DNAH8: variants seen among roughly 807,000 people sequenced by gnomAD.
DNAH8 encodes the protein axonemal beta dynein heavy chain 8.
Under a neutral mutation model 562.1 loss-of-function variants are expected in DNAH8, and 382 were observed. The ratio of observed to expected loss-of-function variants is 0.68; its 90% CI spans 0.63 to 0.74. The LOEUF is 0.74. Ranked by LOEUF, DNAH8 falls within the 30% of genes least tolerant of loss-of-function variation. The pLI is 0.00. For missense variants in DNAH8, 5,203 were observed against 5,620.4 expected (o/e 0.93, Z 2.37); for synonymous variants, 1,881 against 1,919.4 (o/e 0.98, Z 0.52).
chr6:38,941,893 C>A (rs1783491764), intron 79 of DNAH8, among the ~76,000 whole-genome samples: 1 of 152,128 alleles, frequency 6.6e-6, no homozygotes, highest in African/African-American at 2.4e-5. Context: ...CTGTTGAAAT[C>A]TTACCCCACC....
chr6:38,828,761 C>A (rs1173105636), intron 30 of DNAH8, among the ~76,000 whole-genome samples: 3 of 152,138 alleles, frequency 2.0e-5, no homozygotes, highest in Non-Finnish European at 4.4e-5. Flanking sequence ...TAAAGTTTAC[C>A]ATTTTAAAGC....
chr6:38,759,011 G>A (rs1766214301), intron 10 of DNAH8, among the ~76,000 whole-genome samples: 2 of 152,096 alleles, frequency 1.3e-5, no homozygotes, highest in Admixed American at 1.3e-4. Context: ...AATTACTCAA[G>A]CAACACATGA....
At chr6:38,946,897 G>C (rs1194323608) in intron 80 of DNAH8, among the ~76,000 whole-genome samples, 2 of 152,106 alleles carry the variant, frequency 1.3e-5, no homozygotes, top group Non-Finnish European at 2.9e-5. Context: ...AAAATCACTT[G>C]AAGCCCACGC....
intron 73 of DNAH8, among the ~76,000 whole-genome samples, chr6:38,925,261 G>A (rs1393774284): frequency 6.6e-6 from 1 of 151,032 alleles, no homozygotes; most frequent in Non-Finnish European, 1.5e-5. Flanking sequence ...CAAAGGTGGA[G>A]GCTGGTTGGC....
chr6:38,895,790 C>T (rs766115132), intron 59 of DNAH8, among the ~76,000 whole-genome samples: 5 of 152,198 alleles, frequency 3.3e-5, no homozygotes, highest in Non-Finnish European at 7.3e-5. Flanking sequence ...GCTCTCCTAT[C>T]GCAAGTTTTA....
intron 82 of DNAH8, among the ~76,000 whole-genome samples, chr6:38,967,205 CT>C (rs569094669): frequency 1.3e-4 from 20 of 152,226 alleles, no homozygotes; most frequent in African/African-American, 4.6e-4. Context: ...TGAATGCCTT[CT>C]CCCAAAGATC....
At chr6:39,017,875 T>C (rs1766661670) in intron 91 of DNAH8, among the ~76,000 whole-genome samples, 1 of 152,220 alleles carries the variant, frequency 6.6e-6, no homozygotes, top group Non-Finnish European at 1.5e-5. Flanking sequence ...TCTGAATGCT[T>C]GTCTTGAAGA....
intron 21 of DNAH8, among the ~76,000 whole-genome samples, chr6:38,800,919 G>C (rs184600102): frequency 6.6e-6 from 1 of 152,228 alleles, no homozygotes; most frequent in East Asian, 1.9e-4. Flanking sequence ...TTATTTTTGA[G>C]TTGTAATAAT....
Position 38,761,782 on chromosome 6 carries a change from A to C in DNAH8, c.1596A>C (p.Pro532=), listed in dbSNP as rs769852680. Residue 532 remains proline (P), a synonymous_variant, in exon 11 of 93, where the codon CCA becomes CCC. Transcript: ENST00000327475. ...GLNHVWDQET[P]VVLKKIQDCI... is the part of the protein sequence containing the mutation. ...ACCATGTATGGGATCAGGAAACGCC[A>C]GTTGTACTAAAGAAAATTCAGGTTT... 11 of 1,560,608 alleles carry C rather than the reference A, an allele frequency of 7.0e-6. No individual in the cohort carries two copies. Among genetic ancestry groups the C allele is most frequent in the Admixed American group, 2.0e-5 (1 of 49,176 alleles).
intron 37 of DNAH8, 115 bp downstream of exon 37, chr6:38,848,916 C>A (rs1775521046): frequency 3.2e-6 from 3 of 934,960 alleles, no homozygotes; most frequent in Non-Finnish European, 4.9e-6. Context: ...TGGGGTTTGG[C>A]AAACTATGGC....
intron 66 of DNAH8, 38 bp downstream of exon 66, chr6:38,911,624 A>G (rs185421575): frequency 1.3e-5 from 17 of 1,357,910 alleles, no homozygotes; most frequent in Non-Finnish European, 1.8e-5. Flanking sequence ...GAATAGAAAT[A>G]GGGTTTATTT....
intron 16 of DNAH8, among the ~76,000 whole-genome samples, chr6:38,782,784 C>T (rs562586520): frequency 6.6e-6 from 1 of 152,194 alleles, no homozygotes; most frequent in Non-Finnish European, 1.5e-5. Flanking sequence ...CTTTCTAAAC[C>T]CTTTGTTTCC....
chr6:38,744,931 C>T (rs1370578330), intron 8 of DNAH8, among the ~76,000 whole-genome samples: 1 of 152,046 alleles, frequency 6.6e-6, no homozygotes, highest in Non-Finnish European at 1.5e-5. Context: ...GGATATTAAT[C>T]ACTCGTTATA....
At chr6:38,935,417 C>G (rs1366197206) in intron 76 of DNAH8, among the ~76,000 whole-genome samples, 175 bp from the exon 77 acceptor site, 1 of 152,106 alleles carries the variant, frequency 6.6e-6, no homozygotes, top group Non-Finnish European at 1.5e-5. Flanking sequence ...AAAAAAATTT[C>G]CACAGAAACA....
At chr6:38,766,139 A>ATGTGTG (rs145206381) in intron 11 of DNAH8, among the ~76,000 whole-genome samples, 3,597 of 150,984 alleles carry the variant, frequency 0.024, 133 homozygotes, top group African/African-American at 0.077. Context: ...ATGTGTTTGT[A>ATGTGTG]TGTGTGTGTG....
intron 41 of DNAH8, among the ~76,000 whole-genome samples, chr6:38,856,734 T>G (rs2150399491): frequency 1.3e-5 from 2 of 152,276 alleles, no homozygotes; most frequent in South Asian, 4.2e-4. Flanking sequence ...TTCTTTCTTT[T>G]CTCACTGTTG....
intron 81 of DNAH8, among the ~76,000 whole-genome samples, chr6:38,949,854 C>T (rs544597755): frequency 1.9e-4 from 29 of 152,088 alleles, no homozygotes; most frequent in Admixed American, 3.9e-4. Flanking sequence ...TAGCAAAAAG[C>T]GTGAAAAATA....
chr6:38,723,302 A>G lies in DNAH8; in HGVS notation c.391-35A>G, dbSNP rs1324148462. On this transcript the variant is annotated intron_variant, in intron 2 of 92. Coordinates refer to ENST00000327475, the MANE Select transcript of DNAH8 (RefSeq NM_001206927.2). ...AAACAGTTTGATATTTTTTCTTCAG[A>G]ATTGCAATTTTTGAACTTGGTTTTC... 5.1e-6 allele frequency: 8 copies of G among 1,581,712 alleles called. No homozygotes were observed. In the Admixed American group the frequency reaches 7.7e-5, roughly 15 times the overall value.
chr6:38,791,462 C>A (rs1769734046), intron 20 of DNAH8, 93 bp from the exon 21 acceptor site: 1 of 1,409,444 alleles, frequency 7.1e-7, no homozygotes. Flanking sequence ...ACTTAGCCTT[C>A]TAAATTAATT....
Sources: gnomAD v4.1 joint callset for allele counts (sites outside exome capture counted in the v4.1 genomes callset) on GRCh38, gnomAD v4.1.1 for gene constraint, MANE v1.5 for transcripts, NCBI Gene and HGNC (gene_info 2026-07-23, HGNC 2026-07-21) for gene names.